The following NBEAL2 variants were observed in gnomAD, a reference collection of about 807,000 sequenced individuals.
NBEAL2 encodes the protein neurobeachin-like protein 2.
NBEAL2 carries 160 observed loss-of-function variants against 299.8 expected under a neutral mutation model. The ratio of observed to expected loss-of-function variants is 0.53; its 90% CI spans 0.47 to 0.61. The LOEUF is 0.61. Ranked by LOEUF, NBEAL2 falls within the 20% of genes least tolerant of loss-of-function variation. NBEAL2 has a pLI of 0.00. For synonymous variants in NBEAL2, 1,493 were observed against 1,542.3 expected (o/e 0.97, Z 0.75); for missense variants, 3,112 against 3,649.0 (o/e 0.85, Z 3.79).
chr3:46,987,757 T>G (rs1272541561), intron 1 of NBEAL2, among the ~76,000 whole-genome samples: 10 of 152,080 alleles, frequency 6.6e-5, no homozygotes, highest in African/African-American at 2.4e-5. Flanking sequence ...ACCTCATGCT[T>G]GTAAAACTAG....
chr3:46,987,071 G>T (rs553444516), intron 1 of NBEAL2, among the ~76,000 whole-genome samples: 72 of 152,334 alleles, frequency 4.7e-4, no homozygotes, highest in Admixed American at 3.7e-3. Context: ...CTTCAGATCT[G>T]CACTAAACTG....
chr3:47,009,155 T>A, intron 53 of NBEAL2, 31 bp downstream of exon 53: 1 of 1,446,580 alleles, frequency 6.9e-7, no homozygotes, highest in Non-Finnish European at 9.4e-7. Context: ...GGGAGGCCCC[T>A]CGAACGGGGC....
At chr3:46,992,347 C>T in intron 9 of NBEAL2, 128 bp from the exon 10 acceptor site, 1 of 864,920 alleles carries the variant, frequency 1.2e-6, no homozygotes, top group Non-Finnish European at 1.9e-6. Context: ...GGCTCAGCAC[C>T]CTACTCTTCC....
In NBEAL2 at chr3:46,979,734, A is replaced by T; in HGVS notation, c.-128A>T. The T allele has an allele frequency of 3.2e-6, 1 of 316,168 alleles. No homozygotes were observed. Among genetic ancestry groups the T allele is most frequent in the Non-Finnish European group, 5.8e-6 (1 of 172,626 alleles). 19.6% of individuals were successfully genotyped at this position (316,168 alleles called of 1,614,324 possible). A position where few individuals can be genotyped will look rare whatever the true frequency, so the allele number is the denominator to read the frequency against. ...GGAGGCCACAGCCGCAGACTTCCCC[A>T]GTAGTACCGCGCCGCTCCGCCCCGG... On this transcript the variant is annotated 5_prime_UTR_variant, in exon 1 of 54. Transcript: ENST00000450053.
chr3:47,005,863 C>G lies in NBEAL2; in HGVS notation c.6801+16C>G. The G allele has an allele frequency of 6.2e-7, 1 of 1,613,104 alleles. No individual in the cohort carries two copies. Among genetic ancestry groups the G allele is most frequent in the South Asian group, 1.1e-5 (1 of 91,080 alleles). On this transcript the variant is annotated intron_variant, in intron 42 of 53. Transcript: ENST00000450053. ...CCAGGCTCTGGTGAGGAAGGAACCA[C>G]AGGCAAACGGCAGGCAGCCGGGGTT...
chr3:47,004,683 C>G lies in NBEAL2; in HGVS notation c.6294+93C>G. 2 of 1,347,170 alleles carry G rather than the reference C, an allele frequency of 1.5e-6. No homozygotes were observed. The highest frequency in any genetic ancestry group is 1.1e-6 in the Non-Finnish European group (1 of 944,744). The allele number at this position is 1,347,170 out of a possible 1,614,324, so 83.5% of individuals were successfully genotyped here. A position where few individuals can be genotyped will look rare whatever the true frequency, so the allele number is the denominator to read the frequency against. On this transcript the variant is annotated intron_variant, in intron 38 of 53. Transcript: ENST00000450053. This position sits in a 1 kb window ranked among gnomAD's most constrained non-coding sequence, Gnocchi z 5.0. ...TGTAGGTACCTGCCAGTGGGCCAAGCTCTGAGCTTGGTCAAGGGTAGATGT... is the reference window on the plus strand; with the variant it reads ...TGTAGGTACCTGCCAGTGGGCCAAGGTCTGAGCTTGGTCAAGGGTAGATGT...
chr3:47,002,585 T>C, intron 32 of NBEAL2, 60 bp from the exon 33 acceptor site: 1 of 1,608,442 alleles, frequency 6.2e-7, no homozygotes, highest in Non-Finnish European at 8.5e-7. Flanking sequence ...TGACTGACAA[T>C]GTGGAGAAAC....
rs2035447975 is a variant in NBEAL2 at position 46,982,992 on chromosome 3, C to A, written c.51+3080C>A. 6.6e-6 allele frequency among the ~76,000 whole-genome samples: 1 copy of A among 152,238 alleles called. No homozygotes were observed. The highest frequency in any genetic ancestry group is 2.1e-4 in the South Asian group (1 of 4,824). ...TGCAGATGAGTGGCCCCTGTTCAGG[C>A]CGGAGCAGCAGTGATGTTCAGCAAC... On this transcript the variant is annotated intron_variant, in intron 1 of 53. Coordinates refer to ENST00000450053, the MANE Select transcript of NBEAL2 (RefSeq NM_015175.3). The surrounding 1 kb of genome is among the most constrained non-coding windows in gnomAD (Gnocchi z 4.2).
chr3:46,981,637 C>T (rs2035348689), intron 1 of NBEAL2, among the ~76,000 whole-genome samples: 1 of 152,126 alleles, frequency 6.6e-6, no homozygotes, highest in Admixed American at 6.5e-5. Flanking sequence ...TGAAGAGAAG[C>T]CTACCCTAGT....
chr3:46,999,434 C>T lies in NBEAL2; in HGVS notation c.3663C>T (p.Pro1221=). ...VACLPEGTVS[P]QLCQGLYKLF... is the part of the protein sequence containing the mutation. Reference sequence around the variant, plus strand: ...GCTTGCCTGAGGGGACTGTTTCCCCCCAGCTCTGCCAGGGCCTCTACAAGC... The same window carrying T: ...GCTTGCCTGAGGGGACTGTTTCCCCTCAGCTCTGCCAGGGCCTCTACAAGC... The change falls in exon 25 of 54, where the codon CCC becomes CCT. Residue 1221 remains proline, a synonymous_variant. Coordinates refer to ENST00000450053, the MANE Select transcript of NBEAL2 (RefSeq NM_015175.3). 1.3e-6 allele frequency: 2 copies of T among 1,585,004 alleles called. No homozygotes were observed. Among genetic ancestry groups the T allele is most frequent in the East Asian group, 2.3e-5 (1 of 43,096 alleles).
At chr3:46,998,300 G>T (rs2036661934) in intron 21 of NBEAL2, 74 bp downstream of exon 21, 4 of 1,547,562 alleles carry the variant, frequency 2.6e-6, no homozygotes, top group African/African-American at 2.7e-5. Flanking sequence ...TCTGCTCTGG[G>T]GGATCTGAGG....
At position 47,004,413 on chromosome 3, in the gene NBEAL2, G is replaced by T. The variant is rs764940906; in HGVS notation, c.6198+20G>T. 13 of 1,590,104 alleles carry T rather than the reference G, an allele frequency of 8.2e-6. No homozygotes were observed. The East Asian group carries it at 2.9e-4, about 36-fold the overall frequency. ...ACCCAGGTGAGAGCCCTGGGTGTGA[G>T]GGATGTGAAGTCGGGACCCTGAATC... On this transcript the variant is annotated intron_variant, in intron 37 of 53. Transcript: ENST00000450053. The surrounding 1 kb of genome is among the most constrained non-coding windows in gnomAD (Gnocchi z 5.0).
Position 47,003,741 on chromosome 3 carries a change from C to T in NBEAL2, c.5721-75C>T. The stretch of plus-strand genomic sequence containing the variant: ...GAGTATATACCCCATGACTCAATGG[C>T]ACTTGGATGCCCTTTGGGCTTGTGA... On this transcript the variant is annotated intron_variant, in intron 35 of 53. Transcript: ENST00000450053. The surrounding 1 kb of genome is among the most constrained non-coding windows in gnomAD (Gnocchi z 7.0). 1 of 1,486,952 alleles carries T rather than the reference C, an allele frequency of 6.7e-7. No individual in the cohort carries two copies. The highest frequency in any genetic ancestry group is 2.5e-5 in the East Asian group (1 of 40,536). The allele number at this position is 1,486,952 out of a possible 1,614,324, so 92.1% of individuals were successfully genotyped here. A position where few individuals can be genotyped will look rare whatever the true frequency, so the allele number is the denominator to read the frequency against.
rs113523265 is a variant in NBEAL2 at position 46,989,292 on chromosome 3, C to G, written c.384C>G (p.Gly128=). 1,313 of 1,609,088 alleles carry G rather than the reference C, an allele frequency of 8.2e-4. 10 individuals are homozygous for G. In the South Asian group the frequency reaches 9.7e-3, roughly 12 times the overall value. The change falls in exon 5 of 54, where the codon GGC becomes GGG. Residue 128 remains glycine (G), a synonymous_variant. Coordinates refer to ENST00000450053, the MANE Select transcript of NBEAL2 (RefSeq NM_015175.3). The surrounding 1 kb of genome is among the most constrained non-coding windows in gnomAD (Gnocchi z 5.5). ...LKGCPPPQGR[G]TQLENVALHA... is the part of the protein sequence containing the mutation. ...GATGCCCACCACCCCAGGGCCGAGG[C>G]ACGCAGTTGGAGAATGTGGCCCTAC...
rs2037341957 is a variant in NBEAL2, at chr3:47,005,298, G to T, written c.6537G>T (p.Leu2179=). 2 of 1,612,658 alleles carry T rather than the reference G, an allele frequency of 1.2e-6. No individual in the cohort carries two copies. The highest frequency in any genetic ancestry group is 1.7e-6 in the Non-Finnish European group (2 of 1,179,704). ...YLIRVEPFTS[L]HVQLQSGRFD... is the part of the protein sequence containing the mutation. The stretch of plus-strand genomic sequence containing the variant: ...TCCGCGTGGAGCCCTTCACCTCCCT[G>T]CACGTCCAGCTGCAAAGTGGCCGGT... Residue 2179 remains leucine, a synonymous_variant, in exon 40 of 54, where the codon CTG becomes CTT. Transcript: ENST00000450053.
At chr3:46,992,027 A>T in intron 9 of NBEAL2, 81 bp downstream of exon 9, 1 of 1,236,754 alleles carries the variant, frequency 8.1e-7, no homozygotes, top group Non-Finnish European at 1.2e-6. Flanking sequence ...GCTGCTGCTG[A>T]GCAAACATGG....
Position 47,000,111 on chromosome 3 carries a change from C to T in NBEAL2, c.4012C>T (p.Pro1338Ser), listed in dbSNP as rs1197509956. ...AGATGTCTTCCTGCCCTCAGAGGCC[C>T]CCTGCCCTGACCCTGATGGCTTTTA... ...PSDVFLPSEA[P>S]CPDPDGFYHA... Residue 1338 changes from proline to serine, a missense_variant, in exon 27 of 54, where the codon CCC (proline) becomes TCC (serine). Around this residue, in one of 3 missense-constraint regions of NBEAL2, gnomAD observed 2,243 missense variants for 2,538.1 expected, o/e 0.88. Transcript: ENST00000450053. The surrounding 1 kb of genome is among the most constrained non-coding windows in gnomAD (Gnocchi z 4.5). The T allele has an allele frequency of 6.2e-7, 1 of 1,613,800 alleles. No individual in the cohort carries two copies. The highest frequency in any genetic ancestry group is 1.7e-5 in the Admixed American group (1 of 60,020).
At position 46,999,675 on chromosome 3, in the gene NBEAL2, T is replaced by A. The variant is rs2036805939; in HGVS notation, c.3749T>A (p.Leu1250His). The stretch of plus-strand genomic sequence containing the variant: ...CTGCTGGCTGTGGTACAGCTGTCCC[T>A]CCAGGCTGACCTCAGCGTTCGCCTA... ...SDLLAVVQLS[L>H]QADLSVRLDI... The change falls in exon 26 of 54, where the codon CTC becomes CAC. Residue 1250 changes from leucine (L) to histidine (H), a missense_variant. By Grantham distance (99) the Leu-to-His change is moderately conservative. Around this residue, in one of 3 missense-constraint regions of NBEAL2, gnomAD observed 2,243 missense variants for 2,538.1 expected, o/e 0.88. Coordinates refer to ENST00000450053, the MANE Select transcript of NBEAL2 (RefSeq NM_015175.3). 1 of 1,613,596 alleles carries A rather than the reference T, an allele frequency of 6.2e-7. No individual in the cohort carries two copies.
At position 46,988,172 on chromosome 3, in the gene NBEAL2, T is replaced by G; in HGVS notation, c.52-497T>G. On this transcript the variant is annotated intron_variant, in intron 1 of 53. Coordinates refer to ENST00000450053, the MANE Select transcript of NBEAL2 (RefSeq NM_015175.3). This position sits in a 1 kb window ranked among gnomAD's most constrained non-coding sequence, Gnocchi z 4.4. ...GGGTCTGCCTGTCTAATGGTACACG[T>G]GTGTCCTGGGATCCACAGTTAAAGA... 1 of 862,420 alleles carries G rather than the reference T, an allele frequency of 1.2e-6. No homozygotes were observed. The highest frequency in any genetic ancestry group is 1.5e-6 in the Non-Finnish European group (1 of 653,112). 53.4% of individuals were successfully genotyped at this position (862,420 alleles called of 1,614,324 possible).
Sources: allele counts gnomAD v4.1 joint callset (sites outside exome capture counted in the v4.1 genomes callset), GRCh38; gene constraint gnomAD v4.1.1; regional missense constraint gnomAD v4.1.1; non-coding constraint Gnocchi (gnomAD v3.1); transcripts MANE v1.5; gene names NCBI Gene and HGNC (gene_info 2026-07-23, HGNC 2026-07-21).